ABI3BP: variants seen among roughly 807,000 people sequenced by gnomAD.
ABI3BP encodes target of Nesh-SH3.
In ABI3BP, 216 loss-of-function variants were observed where a neutral mutation model predicts 268.6. That is an observed-to-expected ratio of 0.80 (90% confidence interval 0.72 to 0.90). The LOEUF (loss-of-function observed/expected upper bound fraction) is 0.90, where lower values mean the gene tolerates loss of function less well. ABI3BP is among the 40% of genes least tolerant of loss of function. The probability of loss-of-function intolerance (pLI) is 0.00; values close to 1 mark genes in which losing one functional copy is unlikely to be tolerated. For missense variants in ABI3BP, 2,090 were observed against 2,182.4 expected, an observed-to-expected ratio of 0.96 and a Z score of 0.84; for synonymous variants, 730 against 730.0, an observed-to-expected ratio of 1.00 and a Z score of 0.00.
intron 1 of ABI3BP, among the ~76,000 whole-genome samples, chr3:100,981,106 T>C (rs999018656): frequency 3.9e-5 from 6 of 152,178 alleles, no homozygotes; most frequent in Admixed American, 1.3e-4. Flanking sequence ...TCTAATCTGA[T>C]ATACACAGAG....
At chr3:100,894,850 A>T (rs933772439) in intron 4 of ABI3BP, among the ~76,000 whole-genome samples, 1 of 146,786 alleles carries the variant, frequency 6.8e-6, no homozygotes, top group African/African-American at 2.5e-5. Context: ...GAGGCAGGAG[A>T]ATGGCGTGAA....
intron 6 of ABI3BP, 144 bp from the exon 7 acceptor site, chr3:100,876,704 G>T: frequency 1.5e-6 from 1 of 680,234 alleles, no homozygotes; most frequent in African/African-American, 1.8e-5. Context: ...TGGTGGCGGG[G>T]CGTGGTGGCT....
chr3:100,882,473 T>C (rs1253253105), intron 6 of ABI3BP, among the ~76,000 whole-genome samples: 1 of 150,594 alleles, frequency 6.6e-6, no homozygotes, highest in African/African-American at 2.4e-5. Flanking sequence ...TTTTTTGCTG[T>C]CCAGAAGGAA....
chr3:100,947,841 A>G (rs1438292926), intron 1 of ABI3BP, among the ~76,000 whole-genome samples: 1 of 152,206 alleles, frequency 6.6e-6, no homozygotes, highest in African/African-American at 2.4e-5. Flanking sequence ...AATAGACCCA[A>G]GGGAACACTA....
intron 2 of ABI3BP, among the ~76,000 whole-genome samples, chr3:100,918,768 T>C (rs2059416177): frequency 6.6e-6 from 1 of 152,144 alleles, no homozygotes; most frequent in Non-Finnish European, 1.5e-5. Flanking sequence ...TTTAACCATT[T>C]TTTACAGGAC....
At chr3:100,979,919 C>T (rs559667732) in intron 1 of ABI3BP, among the ~76,000 whole-genome samples, 16 of 152,254 alleles carry the variant, frequency 1.1e-4, no homozygotes, top group African/African-American at 2.6e-4. Flanking sequence ...TTGCCAAGAA[C>T]ATGTGGAGAA....
intron 65 of ABI3BP, 98 bp downstream of exon 65, chr3:100,753,721 G>A: frequency 7.2e-7 from 1 of 1,393,534 alleles, no homozygotes; most frequent in South Asian, 1.2e-5. Context: ...AAGACTAAGT[G>A]GAAAAACGCG....
chr3:100,813,864 A>G, intron 44 of ABI3BP, 129 bp from the exon 45 acceptor site: 1 of 718,434 alleles, frequency 1.4e-6, no homozygotes, highest in Non-Finnish European at 2.3e-6. Flanking sequence ...GCCATACAGA[A>G]TGTGCCCTAT....
intron 1 of ABI3BP, among the ~76,000 whole-genome samples, chr3:100,957,953 G>A (rs2077390789): frequency 6.6e-6 from 1 of 152,162 alleles, no homozygotes; most frequent in Non-Finnish European, 1.5e-5. Context: ...TTTAGAGCTG[G>A]AGGAAAATGG....
chr3:100,786,835 T>A (rs1422268813), intron 57 of ABI3BP, among the ~76,000 whole-genome samples: 1 of 152,132 alleles, frequency 6.6e-6, no homozygotes, highest in Non-Finnish European at 1.5e-5. Context: ...CCTCATTATT[T>A]GGTTTGAAGA....
chr3:100,853,802 A>C (rs2098899118), intron 14 of ABI3BP, among the ~76,000 whole-genome samples: 1 of 152,204 alleles, frequency 6.6e-6, no homozygotes, highest in African/African-American at 2.4e-5. Context: ...CTGTGGCTCA[A>C]ATCTGGAAGT....
chr3:100,863,831 C>G, intron 12 of ABI3BP, 171 bp downstream of exon 12: 1 of 541,620 alleles, frequency 1.8e-6, no homozygotes, highest in Non-Finnish European at 3.3e-6. Context: ...GAAAAACAAC[C>G]CAACCAAACA....
chr3:100,946,788 CAA>C (rs71800962), intron 1 of ABI3BP, among the ~76,000 whole-genome samples: 25 of 87,034 alleles, frequency 2.9e-4, no homozygotes, highest in Non-Finnish European at 2.1e-4. Context: ...AACTCCGTTT[CAA>C]AAAAAAAAAA....
chr3:100,778,790 T>A (rs1472580256), intron 58 of ABI3BP, among the ~76,000 whole-genome samples: 1 of 152,222 alleles, frequency 6.6e-6, no homozygotes, highest in Non-Finnish European at 1.5e-5. Context: ...AAGATTTAAG[T>A]ATATGGGAAG....
chr3:100,816,087 A>C lies in ABI3BP; in HGVS notation c.3230-116T>G. On this transcript the variant is annotated intron_variant, in intron 43 of 67. Transcript: ENST00000471714. The stretch of plus-strand genomic sequence containing the variant: ...GATACACAATTTTTTAAAACTTTTG[A>C]ATTGATAGGCAGCATATAGTTGCTT... 3 of 758,178 alleles carry C rather than the reference A, an allele frequency of 4.0e-6. No individual in the cohort carries two copies. In the South Asian group the frequency reaches 6.0e-5, roughly 15 times the overall value. The allele number at this position is 758,178 out of a possible 1,614,324, so 47.0% of individuals were successfully genotyped here. A position where few individuals can be genotyped will look rare whatever the true frequency, so the allele number is the denominator to read the frequency against.
intron 55 of ABI3BP, among the ~76,000 whole-genome samples, chr3:100,791,263 G>A (rs1577838310): frequency 6.6e-6 from 1 of 151,832 alleles, no homozygotes; most frequent in East Asian, 1.9e-4. Context: ...TAGTAATGGT[G>A]ACACAATATT....
Position 100,871,260 on chromosome 3 carries a change from T to TA in ABI3BP, c.910+3580dup, listed in dbSNP as rs201518496. Among the ~76,000 whole-genome samples the TA allele has an allele frequency of 8.7e-3, 1,321 of 152,142 alleles. 20 individuals carry two copies. The highest frequency in any genetic ancestry group is 0.03 in the African/African-American group (1,226 of 41,512). On this transcript the variant is annotated intron_variant, in intron 9 of 67. Transcript: ENST00000471714. Reference sequence around the variant, plus strand: ...TTAACTATTTCACTAGGTACACATATAAAAAAAACTTCATCTTGGATGCTT... The same window carrying TA: ...TTAACTATTTCACTAGGTACACATATAAAAAAAAACTTCATCTTGGATGCTT...
Position 100,840,847 on chromosome 3 carries a change from G to A in ABI3BP, c.1777C>T (p.Pro593Ser), listed in dbSNP as rs1333901255. ...PSQSTIGPET[P>S]GTKPSTTLAP... ...AATGTTGTTGAAGGTTTGGTTCCTG[G>A]TGTTTCAGGTCCTAAGACAATGTGA... is the stretch of plus-strand genomic sequence containing the variant. Residue 593 changes from proline to serine, a missense_variant, in exon 22 of 68, where the codon CCA becomes TCA. Physicochemically the swap from Pro to Ser is moderately conservative, Grantham distance 74. Coordinates refer to ENST00000471714, the MANE Select transcript of ABI3BP (RefSeq NM_001375547.2). The A allele has an allele frequency of 5.2e-6, 8 of 1,535,154 alleles. No individual in the cohort carries two copies. The highest frequency in any genetic ancestry group is 1.7e-4 in the Middle Eastern group (1 of 5,986).
At chr3:100,909,063 T>C (rs1479301327) in intron 2 of ABI3BP, among the ~76,000 whole-genome samples, 2 of 152,048 alleles carry the variant, frequency 1.3e-5, no homozygotes, top group Non-Finnish European at 2.9e-5. Flanking sequence ...AACAGATACA[T>C]AGACCAATGA....
Sources: gnomAD v4.1 joint callset for allele counts (sites outside exome capture counted in the v4.1 genomes callset) on GRCh38, gnomAD v4.1.1 for gene constraint, MANE v1.5 for transcripts, NCBI Gene and HGNC (gene_info 2026-07-23, HGNC 2026-07-21) for gene names.